Variants in DLG2 observed in about 807,000 individuals in gnomAD.
The protein encoded by DLG2 is discs large MAGUK scaffold protein 2.
In DLG2, 45 loss-of-function variants were observed where a neutral mutation model predicts 132.5. The ratio of observed to expected loss-of-function variants is 0.34; its 90% CI spans 0.27 to 0.44. DLG2 has a LOEUF of 0.44. Among genes scored for constraint, DLG2 ranks in the 20% least tolerant of loss-of-function variants. The pLI, the probability that DLG2 is intolerant of heterozygous loss-of-function variation, is 1.00. For missense variants in DLG2, 1,045 were observed against 1,196.9 expected, an observed-to-expected ratio of 0.87 and a Z score of 1.87; for synonymous variants, 424 against 419.6, an observed-to-expected ratio of 1.01 and a Z score of -0.13.
intron 5 of DLG2, among the ~76,000 whole-genome samples, chr11:85,139,010 C>G (rs1390147531): frequency 6.6e-6 from 1 of 152,046 alleles, no homozygotes; most frequent in Non-Finnish European, 1.5e-5. Context: ...CCTGGATTTG[C>G]ACATGGCTGG....
intron 3 of DLG2, among the ~76,000 whole-genome samples, chr11:85,471,686 G>T (rs1393649271): frequency 3.9e-5 from 6 of 152,108 alleles, no homozygotes; most frequent in Non-Finnish European, 7.4e-5. Flanking sequence ...CCAAAGGAAG[G>T]TTAAGAGATA....
At chr11:83,757,281 T>G (rs2093687703) in intron 18 of DLG2, among the ~76,000 whole-genome samples, 1 of 152,252 alleles carries the variant, frequency 6.6e-6, no homozygotes, top group Non-Finnish European at 1.5e-5. Flanking sequence ...TTTTTGATAC[T>G]GCTTTGGTTC....
At chr11:85,501,371 T>G (rs1048822386) in intron 3 of DLG2, among the ~76,000 whole-genome samples, 3 of 152,198 alleles carry the variant, frequency 2.0e-5, no homozygotes, top group African/African-American at 7.2e-5. Flanking sequence ...AAAGGCTTCA[T>G]GTCTAAAACA....
chr11:85,324,950 C>T (rs982795606), intron 3 of DLG2, among the ~76,000 whole-genome samples: 1 of 147,792 alleles, frequency 6.8e-6, no homozygotes, highest in Non-Finnish European at 1.5e-5. Context: ...CGAGGCATTG[C>T]CTCACCTGGG....
At chr11:83,549,312 C>T (rs114858492) in intron 19 of DLG2, among the ~76,000 whole-genome samples, 344 of 152,214 alleles carry the variant, frequency 2.3e-3, no homozygotes, top group African/African-American at 3.2e-3. Context: ...AAGAAACACA[C>T]GGTTAAGTCA....
intron 3 of DLG2, among the ~76,000 whole-genome samples, chr11:85,315,852 AGAG>A (rs998420796): frequency 6.6e-6 from 1 of 151,912 alleles, no homozygotes; most frequent in Non-Finnish European, 1.5e-5. Context: ...TCTCTCAATC[AGAG>A]GAGCAGTTTC....
At chr11:85,068,833 C>T (rs955611915) in intron 6 of DLG2, among the ~76,000 whole-genome samples, 47 of 152,092 alleles carry the variant, frequency 3.1e-4, no homozygotes, top group East Asian at 9.7e-4. Flanking sequence ...AAAAAGAGAC[C>T]GCATTGCCAA....
chr11:83,695,696 G>A (rs772363280), intron 18 of DLG2, among the ~76,000 whole-genome samples: 2 of 152,104 alleles, frequency 1.3e-5, no homozygotes, highest in Non-Finnish European at 2.9e-5. Context: ...CCGAGATGGT[G>A]CCACTGCACT....
intron 7 of DLG2, among the ~76,000 whole-genome samples, chr11:84,392,595 A>G (rs894355826): frequency 6.6e-6 from 1 of 152,230 alleles, no homozygotes; most frequent in African/African-American, 2.4e-5. Context: ...GCAAGCATGT[A>G]TTGAACACTT....
At chr11:84,269,344 C>T (rs771103290) in intron 7 of DLG2, among the ~76,000 whole-genome samples, 1 of 152,216 alleles carries the variant, frequency 6.6e-6, no homozygotes, top group Non-Finnish European at 1.5e-5. Context: ...GAAAAATAGA[C>T]TGTGTTTACA....
intron 6 of DLG2, among the ~76,000 whole-genome samples, chr11:85,077,650 T>C (rs1417756174): frequency 6.8e-6 from 1 of 146,938 alleles, no homozygotes; most frequent in Non-Finnish European, 1.5e-5. Flanking sequence ...GTTATAAAAA[T>C]GAAAAATGTG....
chr11:84,712,196 T>G (rs1016043937), intron 6 of DLG2, among the ~76,000 whole-genome samples: 11 of 152,124 alleles, frequency 7.2e-5, no homozygotes, highest in Non-Finnish European at 1.5e-5. Flanking sequence ...CTTTCAGTAT[T>G]CTGAATTGTA....
intron 15 of DLG2, among the ~76,000 whole-genome samples, chr11:83,882,751 A>C (rs1327392285): frequency 2.6e-5 from 4 of 152,228 alleles, no homozygotes; most frequent in Admixed American, 1.3e-4. Context: ...ACAAGTCAAT[A>C]ACTGGTTCTG....
At chr11:84,467,062 C>T (rs937208010) in intron 7 of DLG2, among the ~76,000 whole-genome samples, 8 of 151,204 alleles carry the variant, frequency 5.3e-5, no homozygotes, top group African/African-American at 1.2e-4. Context: ...CCAATAGCAA[C>T]GACCGTATCT....
At chr11:85,458,218 C>T (rs1006731806) in intron 3 of DLG2, among the ~76,000 whole-genome samples, 1 of 152,068 alleles carries the variant, frequency 6.6e-6, no homozygotes, top group Non-Finnish European at 1.5e-5. Flanking sequence ...TCAGATTGGC[C>T]TATTCTCCTG....
At chr11:83,531,980 A>G (rs1027342239) in intron 21 of DLG2, among the ~76,000 whole-genome samples, 14 of 135,424 alleles carry the variant, frequency 1.0e-4, no homozygotes, top group African/African-American at 3.6e-4. Flanking sequence ...GTGGTTGCCT[A>G]TGTTGGGGTG....
At chr11:84,003,001 C>G (rs1473783244) in intron 11 of DLG2, among the ~76,000 whole-genome samples, 1 of 152,214 alleles carries the variant, frequency 6.6e-6, no homozygotes, top group Non-Finnish European at 1.5e-5. Flanking sequence ...CAGGTCACAA[C>G]TTGAACACTT....
intron 3 of DLG2, among the ~76,000 whole-genome samples, chr11:85,514,298 C>T (rs895271898): frequency 6.6e-6 from 1 of 151,986 alleles, no homozygotes; most frequent in Admixed American, 6.6e-5. Flanking sequence ...AAAGTTTTTA[C>T]AGCTCATTGG....
At position 84,853,991 on chromosome 11, in the gene DLG2, C is replaced by T. The variant is rs2082468670; in HGVS notation, c.357+257670G>A. Reference sequence around the variant, plus strand: ...GTGGTATGTGAGCTCTGGAGGCCTGCAATTGTCCCTAACAGCCATGGAGGA... The same window carrying T: ...GTGGTATGTGAGCTCTGGAGGCCTGTAATTGTCCCTAACAGCCATGGAGGA... On this transcript the variant is annotated intron_variant, in intron 6 of 27. Transcript: ENST00000376104. Among the ~76,000 whole-genome samples the T allele has an allele frequency of 2.0e-5, 3 of 152,086 alleles. No individual in the cohort carries two copies. In the South Asian group the frequency reaches 6.2e-4, roughly 32 times the overall value.
Sources: gnomAD v4.1 joint callset for allele counts (sites outside exome capture counted in the v4.1 genomes callset) on GRCh38, gnomAD v4.1.1 for gene constraint, MANE v1.5 for transcripts, NCBI Gene and HGNC (gene_info 2026-07-23, HGNC 2026-07-21) for gene names.